The following WWOX variants were observed in gnomAD, a reference collection of about 807,000 sequenced individuals.
WWOX encodes the protein WW domain containing oxidoreductase.
A neutral mutation model predicts 46.2 loss-of-function variants in WWOX; 69 were observed. The observed-to-expected ratio is 1.49, with a 90% CI of 1.23 to 1.82. The LOEUF is 1.82. Among genes scored for constraint, WWOX ranks in the 40% most tolerant of loss-of-function variants. The pLI is 0.00. For missense variants in WWOX, 919 were observed against 542.6 expected (o/e 1.69, Z -6.89); for synonymous variants, 359 against 202.6 (o/e 1.77, Z -6.56).
At chr16:79,063,305 G>A (rs1253632795) in intron 8 of WWOX, among the ~76,000 whole-genome samples, 2 of 152,160 alleles carry the variant, frequency 1.3e-5, no homozygotes, top group African/African-American at 4.8e-5. Context: ...CCGTGTTTTT[G>A]AAGTGTTCTT....
chr16:78,554,389 A>G (rs373822846), intron 8 of WWOX, among the ~76,000 whole-genome samples: 4 of 152,200 alleles, frequency 2.6e-5, no homozygotes, highest in African/African-American at 9.7e-5. Context: ...TGAAAATTCA[A>G]AAAATTGCAA....
intron 8 of WWOX, among the ~76,000 whole-genome samples, chr16:78,781,147 G>A (rs1412179611): frequency 6.6e-6 from 1 of 152,194 alleles, no homozygotes; most frequent in Non-Finnish European, 1.5e-5. Flanking sequence ...ACAGGGAAAT[G>A]ATGACACATT....
At chr16:79,091,635 G>A (rs1017254108) in intron 8 of WWOX, among the ~76,000 whole-genome samples, 1 of 152,024 alleles carries the variant, frequency 6.6e-6, no homozygotes, top group Admixed American at 6.6e-5. Context: ...GTACCCTCGG[G>A]CAATTTAGAA....
intron 8 of WWOX, among the ~76,000 whole-genome samples, chr16:78,488,438 C>G (rs999153386): frequency 1.8e-4 from 27 of 151,894 alleles, no homozygotes; most frequent in African/African-American, 6.5e-4. Flanking sequence ...TTTTTAGGAC[C>G]CAAGAGTGCT....
intron 8 of WWOX, among the ~76,000 whole-genome samples, chr16:78,544,829 C>T (rs138288064): frequency 8.0e-4 from 122 of 152,172 alleles, no homozygotes; most frequent in African/African-American, 2.7e-3. Context: ...GAGCTGTGAT[C>T]GCTCCACTGC....
In WWOX at chr16:78,590,787, A is replaced by C. The variant is rs147645093; in HGVS notation, c.1056+158035A>C. Among the ~76,000 whole-genome samples, 303 of 152,270 alleles carry C rather than the reference A, an allele frequency of 2.0e-3. 1 individual carries two copies. Among genetic ancestry groups the C allele is most frequent in the African/African-American group, 6.7e-3 (279 of 41,558 alleles). On this transcript the variant is annotated intron_variant, in intron 8 of 8. Coordinates refer to ENST00000566780, the MANE Select transcript of WWOX (RefSeq NM_016373.4). ...CTAATGGGCTTCATTTGCAAGACCT[A>C]ATTTCTAGCAGATCATGGTGTAAGC...
At chr16:78,975,468 T>TC in intron 8 of WWOX, among the ~76,000 whole-genome samples, 1 of 151,884 alleles carries the variant, frequency 6.6e-6, no homozygotes, top group East Asian at 1.9e-4. Context: ...CTTTTTTTTT[T>TC]TTTCATTATG....
intron 8 of WWOX, among the ~76,000 whole-genome samples, chr16:78,900,473 A>G (rs2044803120): frequency 6.6e-6 from 1 of 152,216 alleles, no homozygotes; most frequent in Non-Finnish European, 1.5e-5. Flanking sequence ...GAAACAGTGA[A>G]GATCCTGCCT....
chr16:78,820,969 C>T (rs1047624838), intron 8 of WWOX, among the ~76,000 whole-genome samples: 15 of 152,122 alleles, frequency 9.9e-5, no homozygotes, highest in African/African-American at 3.4e-4. Flanking sequence ...ACAAGGACAC[C>T]AGTCATTGGA....
chr16:78,866,242 G>C (rs963922980), intron 8 of WWOX, among the ~76,000 whole-genome samples: 1 of 151,992 alleles, frequency 6.6e-6, no homozygotes, highest in African/African-American at 2.4e-5. Flanking sequence ...ATCAGAGCCC[G>C]CAGTTTCATG....
At chr16:78,508,693 C>T (rs750996690) in intron 8 of WWOX, among the ~76,000 whole-genome samples, 11 of 152,218 alleles carry the variant, frequency 7.2e-5, no homozygotes, top group Non-Finnish European at 1.3e-4. Flanking sequence ...ACAGAAGAAA[C>T]GCTGGTGGTC....
intron 5 of WWOX, among the ~76,000 whole-genome samples, chr16:78,227,251 C>T (rs935125936): frequency 2.0e-5 from 3 of 152,152 alleles, no homozygotes; most frequent in Non-Finnish European, 4.4e-5. Context: ...TTAAGGAATT[C>T]GTAGTTGAAT....
At chr16:78,539,439 A>T (rs2043835366) in intron 8 of WWOX, among the ~76,000 whole-genome samples, 1 of 152,250 alleles carries the variant, frequency 6.6e-6, no homozygotes, top group Non-Finnish European at 1.5e-5. Context: ...TTAGAGTAGA[A>T]TTTTAAAGAG....
intron 8 of WWOX, among the ~76,000 whole-genome samples, chr16:78,762,777 A>C (rs151278715): frequency 1.2e-4 from 19 of 152,338 alleles, no homozygotes; most frequent in Middle Eastern, 3.4e-3. Flanking sequence ...GGGGCAAGTT[A>C]CTTAACCTCT....
intron 5 of WWOX, among the ~76,000 whole-genome samples, chr16:78,208,587 C>A (rs910939154): frequency 1.3e-5 from 2 of 152,140 alleles, no homozygotes; most frequent in African/African-American, 4.8e-5. Context: ...TAAATGCATG[C>A]GTTCATTCCT....
At chr16:79,076,777 G>A (rs886419988) in intron 8 of WWOX, among the ~76,000 whole-genome samples, 3 of 152,192 alleles carry the variant, frequency 2.0e-5, no homozygotes, top group Non-Finnish European at 2.9e-5. Context: ...CTGCAGAATG[G>A]GAATAAGAAT....
chr16:79,165,576 C>A (rs1293313109), intron 8 of WWOX, among the ~76,000 whole-genome samples: 1 of 152,202 alleles, frequency 6.6e-6, no homozygotes, highest in Non-Finnish European at 1.5e-5. Flanking sequence ...CAGTTGTATT[C>A]TGTTCCCTCT....
intron 8 of WWOX, among the ~76,000 whole-genome samples, chr16:78,672,532 G>A (rs1004287979): frequency 2.0e-4 from 31 of 152,218 alleles, no homozygotes; most frequent in African/African-American, 7.5e-4. Context: ...TAGGCCCAGA[G>A]TCGGCAGTGT....
At chr16:78,585,772 C>A (rs1316313785) in intron 8 of WWOX, among the ~76,000 whole-genome samples, 1 of 151,728 alleles carries the variant, frequency 6.6e-6, no homozygotes. Flanking sequence ...CCCCTGCAAC[C>A]CCAAGGCAGG....
Sources: allele counts gnomAD v4.1 joint callset (sites outside exome capture counted in the v4.1 genomes callset), GRCh38; gene constraint gnomAD v4.1.1; transcripts MANE v1.5; gene names NCBI Gene and HGNC (gene_info 2026-07-23, HGNC 2026-07-21).